The following HNF4A variants were observed in gnomAD, a reference collection of about 807,000 sequenced individuals.
The protein encoded by HNF4A is hepatocyte nuclear factor 4 alpha, also known as hepatocyte nuclear factor 4-alpha.
A neutral mutation model predicts 52.4 loss-of-function variants in HNF4A; 15 were observed. The ratio of observed to expected loss-of-function variants is 0.29; its 90% CI spans 0.19 to 0.44. The LOEUF (loss-of-function observed/expected upper bound fraction) is 0.44. Among genes scored for constraint, HNF4A ranks in the 20% least tolerant of loss-of-function variants. The pLI is 1.00. For missense variants in HNF4A, 479 were observed against 647.2 expected, an observed-to-expected ratio of 0.74 and a Z score of 2.82; for synonymous variants, 280 against 264.4, an observed-to-expected ratio of 1.06 and a Z score of -0.57.
At chr20:44,411,868 C>A (rs2063588686) in intron 3 of HNF4A, among the ~76,000 whole-genome samples, 1 of 150,068 alleles carries the variant, frequency 6.7e-6, no homozygotes, top group South Asian at 2.1e-4. Context: ...CCAGCCTGGG[C>A]AACCTAATGA....
chr20:44,418,634 C>G (rs576083592), intron 6 of HNF4A, 122 bp downstream of exon 6: 205 of 752,428 alleles, frequency 2.7e-4, no homozygotes, highest in Non-Finnish European at 4.4e-4. Flanking sequence ...AGGAGTGGCC[C>G]TGTCCTCAGG....
chr20:44,428,311 C>T, intron 8 of HNF4A, 24 bp from the exon 9 acceptor site: 2 of 1,613,406 alleles, frequency 1.2e-6, no homozygotes, highest in Non-Finnish European at 1.7e-6. Context: ...ACTCTCCATC[C>T]TGATCGACCT....
At chr20:44,377,655 T>G (rs2146231833) in intron 1 of HNF4A, 1 of 152,204 alleles carries the variant, frequency 6.6e-6, no homozygotes, top group African/African-American at 2.4e-5. Context: ...CCCAGCCACT[T>G]GGGAGGCTGA....
Position 44,430,388 on chromosome 20 carries a change from T to A in HNF4A, c.*723T>A, listed in dbSNP as rs930463523. ...ACTTGGGTGGGTACTTGGGTGAGGA[T>A]CCCTGAAGGCCTTCAACCCGAGAAA... is the stretch of plus-strand genomic sequence containing the variant. On this transcript the variant is annotated 3_prime_UTR_variant, in exon 10 of 10. Transcript: ENST00000316099. 3.3e-5 allele frequency: 5 copies of A among 152,290 alleles called. No homozygotes were observed. The highest frequency in any genetic ancestry group is 5.9e-5 in the Non-Finnish European group (4 of 68,108). The allele number at this position is 152,290 out of a possible 1,614,324, so 9.4% of individuals were successfully genotyped here. A position where few individuals can be genotyped will look rare whatever the true frequency, so the allele number is the denominator to read the frequency against.
chr20:44,404,858 T>TGG (rs2063467696), intron 1 of HNF4A, among the ~76,000 whole-genome samples: 1 of 4,882 alleles, frequency 2.0e-4, no homozygotes, highest in Non-Finnish European at 5.3e-4. Context: ...CTGTGTGGTG[T>TGG]GTGTGCGCGT....
At chr20:44,415,780 T>C (rs1006551802) in intron 5 of HNF4A, among the ~76,000 whole-genome samples, 10 of 152,138 alleles carry the variant, frequency 6.6e-5, no homozygotes, top group African/African-American at 2.4e-4. Context: ...GTGAAAACGC[T>C]GGTTTGGCTT....
chr20:44,404,478 G>T (rs1275320140), intron 1 of HNF4A, among the ~76,000 whole-genome samples: 1 of 152,086 alleles, frequency 6.6e-6, no homozygotes, highest in African/African-American at 2.4e-5. Flanking sequence ...ACACGTGTGT[G>T]TGTGTGTGTC....
chr20:44,407,701 G>C (rs1469214673), intron 3 of HNF4A, among the ~76,000 whole-genome samples: 1 of 151,678 alleles, frequency 6.6e-6, no homozygotes, highest in African/African-American at 2.4e-5. Context: ...GGCTCCTCAG[G>C]CTCCCAGCAA....
intron 1 of HNF4A, among the ~76,000 whole-genome samples, chr20:44,367,726 C>T (rs1043115153): frequency 2.0e-5 from 3 of 151,858 alleles, no homozygotes; most frequent in Admixed American, 1.3e-4. Context: ...GCAAGAGGCT[C>T]ACTTAAGGTT....
intron 1 of HNF4A, among the ~76,000 whole-genome samples, chr20:44,370,767 A>G (rs1828518299): frequency 6.6e-6 from 1 of 152,162 alleles, no homozygotes; most frequent in Non-Finnish European, 1.5e-5. Flanking sequence ...GAGCAGCTGG[A>G]TGGGCCAGTA....
intron 1 of HNF4A, among the ~76,000 whole-genome samples, chr20:44,394,992 C>A (rs929290692): frequency 1.3e-5 from 2 of 152,214 alleles, no homozygotes; most frequent in Non-Finnish European, 2.9e-5. Context: ...AACCCACTGG[C>A]CTTCAGCCCC....
At chr20:44,424,961 T>C (rs1437380595) in intron 8 of HNF4A, among the ~76,000 whole-genome samples, 1 of 152,158 alleles carries the variant, frequency 6.6e-6, no homozygotes, top group Non-Finnish European at 1.5e-5. Flanking sequence ...GCAACTATTG[T>C]AAGGAGAGTG....
In HNF4A at chr20:44,368,160, A is replaced by ATAT. The variant is rs1200638153; in HGVS notation, c.49+12308_49+12309insATT. On this transcript the variant is annotated intron_variant, in intron 1 of 9. Coordinates refer to the HNF4A transcript ENST00000316673. ...TATATACATATATATATATATATATATTTTTTTTTTTTTTTTTTTTTTTTG... is the reference window on the plus strand; with the variant it reads ...TATATACATATATATATATATATATATATTTTTTTTTTTTTTTTTTTTTTTTTG... 4.3e-4 allele frequency among the ~76,000 whole-genome samples: 12 copies of ATAT among 27,782 alleles called. 1 individual carries two copies. Among genetic ancestry groups the ATAT allele is most frequent in the East Asian group, 2.4e-3 (2 of 842 alleles). 18.2% of individuals were successfully genotyped at this position (27,782 alleles called of 152,430 possible).
chr20:44,404,866 C>T (rs1156832712), intron 1 of HNF4A, among the ~76,000 whole-genome samples: 1 of 4,222 alleles, frequency 2.4e-4, no homozygotes, highest in Non-Finnish European at 4.4e-4. Flanking sequence ...TGTGTGTGCG[C>T]GTGTGTGTGA....
intron 1 of HNF4A, among the ~76,000 whole-genome samples, chr20:44,379,334 T>C (rs917156544): frequency 6.6e-6 from 1 of 152,096 alleles, no homozygotes; most frequent in Non-Finnish European, 1.5e-5. Flanking sequence ...TGCTAGATCA[T>C]ATGATAGTTC....
chr20:44,423,990 C>T, intron 7 of HNF4A, 28 bp from the exon 8 acceptor site: 5 of 1,610,508 alleles, frequency 3.1e-6, no homozygotes, highest in Non-Finnish European at 4.2e-6. Flanking sequence ...CCCTGCTGCC[C>T]TCCCTTGCCC....
chr20:44,359,432 C>T (rs6093966), intron 1 of HNF4A, among the ~76,000 whole-genome samples: 3,631 of 152,292 alleles, frequency 0.024, 117 homozygotes, highest in East Asian at 0.083. Flanking sequence ...CCAGAAACCT[C>T]CTGGCAGACT....
In HNF4A at chr20:44,360,821, G is replaced by T. The variant is rs150911233; in HGVS notation, c.49+4968G>T. On this transcript the variant is annotated intron_variant, in intron 1 of 9. Coordinates refer to the HNF4A transcript ENST00000316673. ...GGAGACAGTTTGGTGATGTGGCTCT[G>T]CCCCTTGAAGCTCTATGATGATGGT... Among the ~76,000 whole-genome samples, 321 of 152,292 alleles carry T rather than the reference G, an allele frequency of 2.1e-3. 3 individuals carry two copies. The highest frequency in any genetic ancestry group is 7.5e-3 in the African/African-American group (310 of 41,558).
chr20:44,400,243 G>T (rs190311981), upstream of HNF4A, among the ~76,000 whole-genome samples: 1 of 152,110 alleles, frequency 6.6e-6, no homozygotes, highest in African/African-American at 2.4e-5. Flanking sequence ...TGGGTTGCCT[G>T]TGACTGCACT....
Sources: gnomAD v4.1 joint callset for allele counts (sites outside exome capture counted in the v4.1 genomes callset) on GRCh38, gnomAD v4.1.1 for gene constraint, MANE v1.5 for transcripts, NCBI Gene and HGNC (gene_info 2026-07-23, HGNC 2026-07-21) for gene names.